Variants in CAMTA1 observed in about 807,000 individuals in gnomAD.
CAMTA1 encodes the protein calmodulin binding transcription activator 1, also known as calmodulin-binding transcription activator 1.
In CAMTA1, 27 loss-of-function variants were observed where a neutral mutation model predicts 170.9. The ratio of observed to expected loss-of-function variants is 0.16; its 90% CI spans 0.12 to 0.22. The LOEUF is 0.22. Among genes scored for constraint, CAMTA1 ranks in the 10% least tolerant of loss-of-function variants. The pLI is 1.00. For missense variants in CAMTA1, 1,619 were observed against 2,217.2 expected (o/e 0.73, Z 5.42); for synonymous variants, 833 against 891.5 (o/e 0.93, Z 1.17).
chr1:7,368,870 G>T (rs1253345960), intron 5 of CAMTA1: 1 of 152,304 alleles, frequency 6.6e-6, no homozygotes, highest in African/African-American at 2.4e-5. Flanking sequence ...GGGCTGTCCT[G>T]CCACGAAGCC....
At chr1:7,296,987 G>A (rs1674047941) in intron 5 of CAMTA1, among the ~76,000 whole-genome samples, 1 of 152,210 alleles carries the variant, frequency 6.6e-6, no homozygotes, top group African/African-American at 2.4e-5. Context: ...GGGCTTCCAA[G>A]AAGGAGGAAA....
intron 5 of CAMTA1, among the ~76,000 whole-genome samples, chr1:7,352,801 C>T (rs1217355590): frequency 6.6e-6 from 1 of 152,214 alleles, no homozygotes; most frequent in Non-Finnish European, 1.5e-5. Flanking sequence ...ACACCTCCTC[C>T]CTAGCTGGAC....
chr1:7,764,106 A>T (rs1170309195), intron 22 of CAMTA1, among the ~76,000 whole-genome samples: 1 of 152,188 alleles, frequency 6.6e-6, no homozygotes, highest in African/African-American at 2.4e-5. Flanking sequence ...TTCAATTTTT[A>T]AAAAGCCATT....
chr1:7,239,635 ATTTTTTTTTTT>A (rs34166595), intron 4 of CAMTA1, among the ~76,000 whole-genome samples: 17 of 103,954 alleles, frequency 1.6e-4, no homozygotes, highest in Non-Finnish European at 2.4e-4. Context: ...TTCAAGGTCA[ATTTTTTTTTTT>A]TTTTTTTTTT....
chr1:7,420,668 T>C (rs999529480), intron 5 of CAMTA1, among the ~76,000 whole-genome samples: 2 of 152,140 alleles, frequency 1.3e-5, no homozygotes, highest in Non-Finnish European at 2.9e-5. Context: ...TGGAAATCCA[T>C]GCGTATAACC....
intron 1 of CAMTA1, among the ~76,000 whole-genome samples, chr1:6,795,295 C>A (rs1642217779): frequency 6.6e-6 from 1 of 152,044 alleles, no homozygotes; most frequent in African/African-American, 2.4e-5. Flanking sequence ...TGAAATGATC[C>A]TCCTGCCTCA....
At chr1:7,752,600 C>G (rs1326960731) in intron 21 of CAMTA1, 67 bp downstream of exon 21, 2 of 1,219,526 alleles carry the variant, frequency 1.6e-6, no homozygotes, top group Non-Finnish European at 1.2e-6. Context: ...CCTTCTTAAC[C>G]CTCACTAACT....
intron 3 of CAMTA1, among the ~76,000 whole-genome samples, chr1:6,864,628 C>T (rs1665951751): frequency 6.6e-6 from 1 of 152,162 alleles, no homozygotes; most frequent in African/African-American, 2.4e-5. Flanking sequence ...TCTCAGCTCC[C>T]TTAGACATGT....
Position 7,467,867 on chromosome 1 carries a change from C to T in CAMTA1, c.476C>T (p.Pro159Leu), listed in dbSNP as rs770043613. 1.9e-6 allele frequency: 3 copies of T among 1,614,084 alleles called. No individual in the cohort carries two copies. Among genetic ancestry groups the T allele is most frequent in the Non-Finnish European group, 8.5e-7 (1 of 1,179,910 alleles). ...YGCYVHSSII[P>L]TFHRRCYWLL... Reference sequence around the variant, plus strand: ...TGCTATGTCCATTCCTCCATCATCCCCACCTTCCACCGGAGGTGCTACTGG... The same window carrying T: ...TGCTATGTCCATTCCTCCATCATCCTCACCTTCCACCGGAGGTGCTACTGG... The change falls in exon 6 of 23, where the codon CCC (proline) becomes CTC (leucine). Residue 159 changes from proline to leucine, a missense_variant. Around this residue, in one of 8 missense-constraint regions of CAMTA1, gnomAD observed 97 missense variants for 225.4 expected, o/e 0.43. Transcript: ENST00000303635.
chr1:7,180,454 A>G (rs369109186), intron 4 of CAMTA1, among the ~76,000 whole-genome samples: 52 of 151,208 alleles, frequency 3.4e-4, no homozygotes, highest in East Asian at 1.2e-3. Flanking sequence ...TAAATAAACC[A>G]ATTTCCATAA....
intron 6 of CAMTA1, among the ~76,000 whole-genome samples, chr1:7,619,277 C>T (rs947532329): frequency 7.9e-5 from 12 of 152,220 alleles, no homozygotes; most frequent in African/African-American, 2.9e-4. Flanking sequence ...TATTCTATCA[C>T]CTACGCGGAA....
chr1:7,211,604 C>T (rs867299946), intron 4 of CAMTA1, among the ~76,000 whole-genome samples: 34 of 152,278 alleles, frequency 2.2e-4, no homozygotes, highest in Admixed American at 4.6e-4. Context: ...ATTCTTTGAG[C>T]GCTTCCTTTT....
chr1:7,338,302 T>C (rs2083546750), intron 5 of CAMTA1, among the ~76,000 whole-genome samples: 1 of 152,030 alleles, frequency 6.6e-6, no homozygotes, highest in African/African-American at 2.4e-5. Flanking sequence ...ATGCCACCTA[T>C]AGAGTCATGC....
intron 4 of CAMTA1, among the ~76,000 whole-genome samples, chr1:7,198,323 C>A (rs531887721): frequency 6.6e-6 from 1 of 151,882 alleles, no homozygotes; most frequent in Non-Finnish European, 1.5e-5. Context: ...TAGGTGTGCC[C>A]CCACTCCCCT....
intron 4 of CAMTA1, among the ~76,000 whole-genome samples, chr1:7,237,203 T>C (rs561108090): frequency 6.6e-6 from 1 of 152,346 alleles, no homozygotes; most frequent in East Asian, 1.9e-4. Flanking sequence ...CACTGGGAAC[T>C]GGGACATCAT....
intron 5 of CAMTA1, among the ~76,000 whole-genome samples, chr1:7,334,227 A>T (rs1365140360): frequency 6.6e-6 from 1 of 152,188 alleles, no homozygotes; most frequent in Non-Finnish European, 1.5e-5. Context: ...TTTGGAAAAG[A>T]AAGGGGGAAA....
chr1:7,398,685 T>A (rs1281782436), intron 5 of CAMTA1, among the ~76,000 whole-genome samples: 1 of 152,138 alleles, frequency 6.6e-6, no homozygotes, highest in Non-Finnish European at 1.5e-5. Flanking sequence ...TTTTAAGTGT[T>A]TTTTGGCTCT....
chr1:6,799,988 GAAT>G (rs1643507118), intron 1 of CAMTA1, among the ~76,000 whole-genome samples: 1 of 152,146 alleles, frequency 6.6e-6, no homozygotes, highest in Non-Finnish European at 1.5e-5. Context: ...TCCAGGACAA[GAAT>G]AATATGTTGA....
In CAMTA1 at chr1:7,173,846, A is replaced by T. The variant is rs1308681607; in HGVS notation, c.303-75645A>T. ...AGTGGACTGGACCCCAGCAGAACTTAGCAGAACCCAAAAAGGCCCAGTGGA... is the reference window on the plus strand; with the variant it reads ...AGTGGACTGGACCCCAGCAGAACTTTGCAGAACCCAAAAAGGCCCAGTGGA... On this transcript the variant is annotated intron_variant, in intron 4 of 22. Transcript: ENST00000303635. This position sits in a 1 kb window ranked among gnomAD's most constrained non-coding sequence, Gnocchi z 5.4. Among the ~76,000 whole-genome samples the T allele has an allele frequency of 1.3e-5, 2 of 152,042 alleles. No individual in the cohort carries two copies. Among genetic ancestry groups the T allele is most frequent in the African/African-American group, 4.8e-5 (2 of 41,398 alleles).
Sources: gnomAD v4.1 joint callset for allele counts (sites outside exome capture counted in the v4.1 genomes callset) on GRCh38, gnomAD v4.1.1 for gene constraint, gnomAD v4.1.1 regional missense constraint, Gnocchi (gnomAD v3.1) non-coding constraint, MANE v1.5 for transcripts, NCBI Gene and HGNC (gene_info 2026-07-23, HGNC 2026-07-21) for gene names.